The following KRT8 variants were observed in gnomAD, a reference collection of about 807,000 sequenced individuals.
KRT8 encodes keratin, type II cytoskeletal 8.
In KRT8, 24 loss-of-function variants were observed where a neutral mutation model predicts 43.0. The ratio of observed to expected loss-of-function variants is 0.56; its 90% CI spans 0.40 to 0.78. KRT8 has a LOEUF of 0.78. Ranked by LOEUF, KRT8 falls within the 30% of genes least tolerant of loss-of-function variation. The probability of loss-of-function intolerance (pLI) is 0.00; values close to 1 mark genes in which losing one functional copy is unlikely to be tolerated. For missense variants in KRT8, 492 were observed against 638.4 expected (o/e 0.77, Z 2.47); for synonymous variants, 214 against 261.2 (o/e 0.82, Z 1.74).
chr12:52,949,212 C>T (rs761560727), intron 2 of KRT8: 44 of 1,611,662 alleles, frequency 2.7e-5, no homozygotes, highest in Non-Finnish European at 3.3e-5. Flanking sequence ...CCACCAACTA[C>T]CGGTCCCTGG....
At chr12:52,935,626 C>G (rs934008162) in intron 2 of KRT8, among the ~76,000 whole-genome samples, 5 of 150,408 alleles carry the variant, frequency 3.3e-5, no homozygotes, top group Non-Finnish European at 7.4e-5. Flanking sequence ...AAAATACAAA[C>G]CATACAAAAA....
upstream of KRT8, among the ~76,000 whole-genome samples, chr12:52,909,046 A>T (rs1941579718): frequency 6.6e-6 from 1 of 152,192 alleles, no homozygotes; most frequent in Admixed American, 6.5e-5. Context: ...AAATTTGATG[A>T]TGGTGAAGCT....
At chr12:52,947,700 ATT>A (rs71971733) in intron 2 of KRT8, 11 of 97,386 alleles carry the variant, frequency 1.1e-4, no homozygotes, top group African/African-American at 1.5e-4. Context: ...CTGGTCTCAA[ATT>A]TTTTTTTTTT....
rs1248112584 is a variant in KRT8, at chr12:52,898,668, C to T, written c.1202+11G>A. The stretch of plus-strand genomic sequence containing the variant: ...AGGGAAGCAGGTCCGGTCAGAGGTA[C>T]CCACACCCACCGGCTCTCCTCGCCC... On this transcript the variant is annotated intron_variant, in intron 6 of 7. Transcript: ENST00000692008. 6.2e-7 allele frequency: 1 copy of T among 1,614,176 alleles called. No individual in the cohort carries two copies. The highest frequency in any genetic ancestry group is 1.1e-5 in the South Asian group (1 of 91,082).
chr12:52,897,662 C>A, intron 7 of KRT8, 44 bp from the exon 8 acceptor site: 1 of 1,597,456 alleles, frequency 6.3e-7, no homozygotes, highest in Non-Finnish European at 8.5e-7. Context: ...GAAGCCCACC[C>A]CATGGCAGGC....
At chr12:52,904,247 G>C (rs1357543345) in intron 1 of KRT8, among the ~76,000 whole-genome samples, 3 of 152,198 alleles carry the variant, frequency 2.0e-5, no homozygotes, top group Admixed American at 6.5e-5. Context: ...GACTGCCGCA[G>C]GGCGATAGCT....
intron 2 of KRT8, among the ~76,000 whole-genome samples, chr12:52,938,949 G>A (rs574986874): frequency 6.6e-6 from 1 of 152,210 alleles, no homozygotes; most frequent in East Asian, 1.9e-4. Flanking sequence ...GCCAGGTTTA[G>A]TGGTATGGGC....
At chr12:52,926,656 T>C (rs1941998248) in intron 2 of KRT8, among the ~76,000 whole-genome samples, 1 of 152,198 alleles carries the variant, frequency 6.6e-6, no homozygotes, top group South Asian at 2.1e-4. Context: ...TAGCATGCAC[T>C]GAACATCCAC....
At chr12:52,929,342 C>T (rs150948419) in intron 2 of KRT8, among the ~76,000 whole-genome samples, 1,972 of 152,188 alleles carry the variant, frequency 0.013, 42 homozygotes, top group African/African-American at 0.044. Flanking sequence ...CAGGTGCCCA[C>T]CACCACGCCC....
intron 2 of KRT8, among the ~76,000 whole-genome samples, chr12:52,912,668 C>T (rs1023168824): frequency 6.6e-6 from 1 of 152,224 alleles, no homozygotes; most frequent in Non-Finnish European, 1.5e-5. Context: ...CTGCAGTCGC[C>T]TGGCCTCCAT....
upstream of KRT8, among the ~76,000 whole-genome samples, chr12:52,909,714 G>A (rs753378748): frequency 1.2e-4 from 18 of 152,194 alleles, no homozygotes; most frequent in Non-Finnish European, 2.4e-4. Flanking sequence ...GAATTAGAAT[G>A]TCCAAGTCCC....
rs1487286814 is a variant in KRT8, at chr12:52,936,479, A to G, written c.-47+12977T>C. On this transcript the variant is annotated intron_variant, in intron 2 of 6. Transcript: ENST00000546826. ...TTATGTTTTGTAGAAAAGCGGTCTC[A>G]CTATGTTGCGGAGCTAGATTTCTTC... 3.3e-5 allele frequency among the ~76,000 whole-genome samples: 5 copies of G among 152,090 alleles called. No individual in the cohort carries two copies. In the East Asian group the frequency reaches 9.6e-4, roughly 29 times the overall value.
At chr12:52,942,248 G>T (rs1942279233) in intron 2 of KRT8, among the ~76,000 whole-genome samples, 2 of 152,088 alleles carry the variant, frequency 1.3e-5, no homozygotes, top group African/African-American at 4.8e-5. Context: ...CTTAATCTCT[G>T]CAACAAACCG....
At chr12:52,901,967 T>G in exon 2 of KRT8, 3 of 1,607,956 alleles carry the variant, frequency 1.9e-6, no homozygotes, top group Non-Finnish European at 2.5e-6. Flanking sequence ...AGGTTGTTGA[T>G]GTAGCTCTCG....
exon 7 of KRT8, chr12:52,898,506 T>C: frequency 6.2e-7 from 1 of 1,614,058 alleles, no homozygotes; most frequent in Non-Finnish European, 8.5e-7. Flanking sequence ...ATGTTCTGCA[T>C]CCCAGACTCC....
intron 2 of KRT8, among the ~76,000 whole-genome samples, chr12:52,943,145 C>T (rs1013781634): frequency 5.9e-5 from 9 of 152,304 alleles, no homozygotes; most frequent in Admixed American, 1.3e-4. Context: ...CATCCTAAGG[C>T]AACCGTCCAT....
intron 2 of KRT8, among the ~76,000 whole-genome samples, chr12:52,935,141 G>A (rs1241914279): frequency 2.6e-5 from 4 of 151,682 alleles, no homozygotes; most frequent in Non-Finnish European, 5.9e-5. Flanking sequence ...AGCACTTTGG[G>A]AGGCCAAGGC....
At chr12:52,916,670 T>C (rs1374730859) in intron 2 of KRT8, among the ~76,000 whole-genome samples, 2 of 152,148 alleles carry the variant, frequency 1.3e-5, no homozygotes, top group East Asian at 3.9e-4. Context: ...ACTTGCCTCC[T>C]TAGCTTGGTT....
chr12:52,926,341 A>ACAGTGGCCC, intron 2 of KRT8: 1 of 322,118 alleles, frequency 3.1e-6, no homozygotes, highest in Non-Finnish European at 5.8e-6. Flanking sequence ...TGCCCTCCCC[A>ACAGTGGCCC]CCCCACCCCC....
Sources: allele counts gnomAD v4.1 joint callset (sites outside exome capture counted in the v4.1 genomes callset), GRCh38; gene constraint gnomAD v4.1.1; transcripts MANE v1.5; gene names NCBI Gene and HGNC (gene_info 2026-07-23, HGNC 2026-07-21).